ABCA13: variants seen among roughly 807,000 people sequenced by gnomAD.
ABCA13 encodes ATP binding cassette subfamily A member 13.
A neutral mutation model predicts 478.7 loss-of-function variants in ABCA13; 476 were observed. The ratio of observed to expected loss-of-function variants is 0.99; its 90% CI spans 0.92 to 1.07. The LOEUF (loss-of-function observed/expected upper bound fraction) is 1.07, where lower values mean the gene tolerates loss of function less well. ABCA13 is among the 50% of genes least tolerant of loss of function. The probability of loss-of-function intolerance (pLI) is 0.00; values close to 1 mark genes in which losing one functional copy is unlikely to be tolerated. For missense variants in ABCA13, 6,060 were observed against 5,910.6 expected, an observed-to-expected ratio of 1.03 and a Z score of -0.83; for synonymous variants, 2,252 against 2,158.9, an observed-to-expected ratio of 1.04 and a Z score of -1.20.
chr7:48,213,496 A>C (rs1785989587), intron 3 of ABCA13, among the ~76,000 whole-genome samples: 2 of 152,108 alleles, frequency 1.3e-5, no homozygotes, highest in African/African-American at 4.8e-5. Flanking sequence ...TTTTGCTGGT[A>C]AAGATCTTGT....
At chr7:48,564,369 G>C (rs182256157) in intron 55 of ABCA13, among the ~76,000 whole-genome samples, 1 of 151,462 alleles carries the variant, frequency 6.6e-6, no homozygotes, top group East Asian at 1.9e-4. Context: ...TATGGCTACT[G>C]GTTATCAACA....
intron 28 of ABCA13, among the ~76,000 whole-genome samples, chr7:48,337,509 T>C (rs1250468526): frequency 6.6e-6 from 1 of 152,222 alleles, no homozygotes; most frequent in East Asian, 1.9e-4. Flanking sequence ...ATAAAAGAGC[T>C]AATTACAAAG....
At chr7:48,299,572 A>C (rs1178478638) in intron 23 of ABCA13, among the ~76,000 whole-genome samples, 1 of 152,206 alleles carries the variant, frequency 6.6e-6, no homozygotes, top group Non-Finnish European at 1.5e-5. Flanking sequence ...TTTTGGTTTA[A>C]AATCTTTAGT....
intron 1 of ABCA13, among the ~76,000 whole-genome samples, chr7:48,177,662 A>G (rs553700554): frequency 6.6e-6 from 1 of 152,374 alleles, no homozygotes; most frequent in South Asian, 2.1e-4. Context: ...GATGACTGAC[A>G]TGATGGCTTC....
intron 23 of ABCA13, 132 bp downstream of exon 23, chr7:48,298,619 A>G: frequency 9.4e-7 from 1 of 1,066,942 alleles, no homozygotes. Flanking sequence ...TGCTGCACAA[A>G]TGATATAATT....
chr7:48,637,281 C>T (rs955390941), intron 59 of ABCA13, among the ~76,000 whole-genome samples: 3 of 148,324 alleles, frequency 2.0e-5, no homozygotes, highest in Non-Finnish European at 4.4e-5. Context: ...GTCTCACGCA[C>T]GAAGTACTGT....
chr7:48,272,754 T>C lies in ABCA13; in HGVS notation c.3088T>C (p.Cys1030Arg), dbSNP rs1795789437. The C allele has an allele frequency of 6.2e-7, 1 of 1,608,250 alleles. No homozygotes were observed. The highest frequency in any genetic ancestry group is 1.1e-5 in the South Asian group (1 of 90,440). The change falls in exon 17 of 62, where the codon TGT (cysteine) becomes CGT (arginine). Residue 1030 changes from cysteine (C) to arginine (R), a missense_variant. This residue lies in a region of ABCA13 where 4,423 missense variants were observed against 4,309.1 expected (regional missense o/e 1.03). Transcript: ENST00000435803. Reference sequence around the variant, plus strand: ...TGGGGGAATTTCTAATGTATCTTACTGTCAGCAATTGCTTTCAATTTTTAA... The same window carrying C: ...TGGGGGAATTTCTAATGTATCTTACCGTCAGCAATTGCTTTCAATTTTTAA... Reference protein sequence around the residue: ...VLGGISNVSYCQQLLSIFNFL... With the variant: ...VLGGISNVSYRQQLLSIFNFL...
chr7:48,336,271 C>G (rs1217701394), intron 28 of ABCA13, among the ~76,000 whole-genome samples: 1 of 152,054 alleles, frequency 6.6e-6, no homozygotes, highest in Non-Finnish European at 1.5e-5. Flanking sequence ...ATACATGGAG[C>G]CCTTGGAATA....
chr7:48,352,438 C>A lies in ABCA13; in HGVS notation c.10639C>A (p.Pro3547Thr), dbSNP rs1358217272. 1.9e-6 allele frequency: 3 copies of A among 1,612,868 alleles called. No individual in the cohort carries two copies. In the South Asian group the frequency reaches 3.3e-5, roughly 18 times the overall value. ...LVQTGQEALE[P>T]AAQTQAAPYP... is the part of the protein sequence containing the mutation. Reference sequence around the variant, plus strand: ...GCAGACTGGGCAGGAAGCCCTGGAACCAGCAGCACAGACTCAGGCGGCCCC... The same window carrying A: ...GCAGACTGGGCAGGAAGCCCTGGAAACAGCAGCACAGACTCAGGCGGCCCC... Residue 3547 changes from proline to threonine, a missense_variant, in exon 31 of 62, where the codon CCA (proline) becomes ACA (threonine). Physicochemically the swap from Pro to Thr is conservative, Grantham distance 38. Around this residue, in one of 3 missense-constraint regions of ABCA13, gnomAD observed 4,423 missense variants for 4,309.1 expected, o/e 1.03. Coordinates refer to ENST00000435803, the MANE Select transcript of ABCA13 (RefSeq NM_152701.5).
At chr7:48,583,814 A>G (rs138378982) in intron 56 of ABCA13, among the ~76,000 whole-genome samples, 7 of 152,362 alleles carry the variant, frequency 4.6e-5, no homozygotes, top group African/African-American at 1.7e-4. Context: ...TGAGTGCAGA[A>G]AAGACTACAG....
chr7:48,208,882 A>C (rs1785261611), intron 3 of ABCA13, among the ~76,000 whole-genome samples: 1 of 151,908 alleles, frequency 6.6e-6, no homozygotes, highest in Non-Finnish European at 1.5e-5. Flanking sequence ...CCAGTTCCAA[A>C]TCTTAAAGAA....
At chr7:48,449,381 G>A (rs1563275756) in intron 42 of ABCA13, among the ~76,000 whole-genome samples, 1 of 151,576 alleles carries the variant, frequency 6.6e-6, no homozygotes. Flanking sequence ...CTCTACTTGG[G>A]GAAACAAAAA....
intron 19 of ABCA13, among the ~76,000 whole-genome samples, chr7:48,285,343 G>C (rs1797581171): frequency 1.3e-5 from 2 of 152,208 alleles, no homozygotes; most frequent in Non-Finnish European, 2.9e-5. Flanking sequence ...GGAAGGGCTG[G>C]AGCCAGGGAT....
chr7:48,228,083 A>T (rs1788497915), intron 6 of ABCA13, among the ~76,000 whole-genome samples: 3 of 152,224 alleles, frequency 2.0e-5, no homozygotes, highest in Non-Finnish European at 2.9e-5. Flanking sequence ...TCATTGTATG[A>T]ATAATGGGTT....
chr7:48,476,480 T>TA (rs777506529), intron 45 of ABCA13, among the ~76,000 whole-genome samples: 2 of 151,372 alleles, frequency 1.3e-5, no homozygotes, highest in Non-Finnish European at 2.9e-5. Context: ...CAGGGTTTTT[T>TA]AAAGAAAGGG....
intron 48 of ABCA13, among the ~76,000 whole-genome samples, chr7:48,489,587 G>A (rs1436857200): frequency 1.3e-5 from 2 of 152,170 alleles, no homozygotes; most frequent in Non-Finnish European, 2.9e-5. Context: ...AACAAAATGT[G>A]ACTGGAGAGT....
At chr7:48,537,888 A>G (rs1321371160) in intron 55 of ABCA13, among the ~76,000 whole-genome samples, 1 of 152,102 alleles carries the variant, frequency 6.6e-6, no homozygotes, top group African/African-American at 2.4e-5. Context: ...TGTTTACTGA[A>G]ACTAGGGGAA....
chr7:48,496,001 G>C (rs1277974095), intron 48 of ABCA13, among the ~76,000 whole-genome samples: 1 of 152,068 alleles, frequency 6.6e-6, no homozygotes, highest in Non-Finnish European at 1.5e-5. Context: ...ATTGTGTAAA[G>C]TGAGTTTTGT....
At chr7:48,580,436 C>G (rs1451836981) in intron 56 of ABCA13, 62 bp downstream of exon 56, 2 of 1,532,336 alleles carry the variant, frequency 1.3e-6, no homozygotes, top group Non-Finnish European at 1.8e-6. Context: ...GTGACCACCT[C>G]TGGCTCCAAG....
Sources: allele counts gnomAD v4.1 joint callset (sites outside exome capture counted in the v4.1 genomes callset), GRCh38; gene constraint gnomAD v4.1.1; regional missense constraint gnomAD v4.1.1; transcripts MANE v1.5; gene names NCBI Gene and HGNC (gene_info 2026-07-23, HGNC 2026-07-21).